ATP11C: variants seen among roughly 807,000 people sequenced by gnomAD.
ATP11C encodes the protein ATPase phospholipid transporting 11C (ATP11C blood group).
Under a neutral mutation model 97.4 loss-of-function variants are expected in ATP11C, and 36 were observed. That is an observed-to-expected ratio of 0.37 (90% confidence interval 0.28 to 0.49). The LOEUF is 0.49. Among genes scored for constraint, ATP11C ranks in the 20% least tolerant of loss-of-function variants. The pLI is 0.98. For missense variants in ATP11C, 730 were observed against 824.6 expected (o/e 0.89, Z 1.40); for synonymous variants, 275 against 290.9 (o/e 0.95, Z 0.56).
chrX:139,856,980 C>G (rs1223590843), intron 1 of ATP11C, among the ~76,000 whole-genome samples: 1 of 111,997 alleles, frequency 8.9e-6, no homozygotes, highest in Non-Finnish European at 1.9e-5. Flanking sequence ...AAAGGCATTG[C>G]AAGGTCTGAC....
chrX:139,802,895 G>A (rs998067361), intron 6 of ATP11C, among the ~76,000 whole-genome samples: 2 of 111,889 alleles, frequency 1.8e-5, no homozygotes, highest in African/African-American at 6.5e-5. Context: ...GAGATGACGT[G>A]TCTTGCATTA....
chrX:139,808,941 C>T (rs186624761), intron 5 of ATP11C, among the ~76,000 whole-genome samples: 2 of 110,640 alleles, frequency 1.8e-5, no homozygotes, highest in African/African-American at 3.3e-5. Flanking sequence ...GGCAAAACCC[C>T]GTCTCTACCA....
intron 1 of ATP11C, among the ~76,000 whole-genome samples, chrX:139,869,918 A>G (rs1303891937): frequency 1.9e-5 from 2 of 107,753 alleles, no homozygotes; most frequent in Non-Finnish European, 3.8e-5. Context: ...AATGTGATAT[A>G]TTCATACAAT....
chrX:139,836,371 C>T (rs1471205508), intron 1 of ATP11C, among the ~76,000 whole-genome samples: 1 of 110,143 alleles, frequency 9.1e-6, no homozygotes, highest in Non-Finnish European at 1.9e-5. Flanking sequence ...AAAAATTAGC[C>T]AGGAGTGGTC....
At chrX:139,780,775 A>G (rs1317716462) in intron 18 of ATP11C, among the ~76,000 whole-genome samples, 1 of 112,194 alleles carries the variant, frequency 8.9e-6, no homozygotes, top group Non-Finnish European at 1.9e-5. Context: ...CCTTTGCAGT[A>G]ACATGGATGC....
chrX:139,731,406 C>T (rs766507375), intron 29 of ATP11C, among the ~76,000 whole-genome samples: 4 of 112,104 alleles, frequency 3.6e-5, no homozygotes, highest in Admixed American at 9.4e-5. Context: ...TATGCTGTAT[C>T]AACATTTGGC....
intron 2 of ATP11C, among the ~76,000 whole-genome samples, chrX:139,823,852 A>G (rs2083463932): frequency 8.9e-6 from 1 of 111,891 alleles, no homozygotes; most frequent in African/African-American, 3.2e-5. Flanking sequence ...AGCGAAAGAA[A>G]TAATCAACAG....
At chrX:139,770,500 C>T (rs1226302937) in intron 19 of ATP11C, among the ~76,000 whole-genome samples, 2 of 111,667 alleles carry the variant, frequency 1.8e-5, no homozygotes, top group African/African-American at 3.3e-5. Flanking sequence ...GTTTTCAGAG[C>T]GGATATGATA....
chrX:139,787,917 T>C (rs748098329), intron 14 of ATP11C, among the ~76,000 whole-genome samples: 2 of 112,609 alleles, frequency 1.8e-5, no homozygotes, highest in African/African-American at 6.5e-5. Flanking sequence ...GCCACTGTTA[T>C]GTTATTTGCA....
At chrX:139,731,820 T>C in intron 28 of ATP11C, 65 bp from the exon 29 acceptor site, 2 of 729,911 alleles carry the variant, frequency 2.7e-6, no homozygotes, top group Non-Finnish European at 3.9e-6. Flanking sequence ...GGTGATTATA[T>C]ATTTAAAAAA....
chrX:139,922,615 C>G (rs1428106582), intron 1 of ATP11C, among the ~76,000 whole-genome samples: 2 of 109,254 alleles, frequency 1.8e-5, no homozygotes, highest in African/African-American at 6.7e-5. Flanking sequence ...GAGCTCATTT[C>G]ACTCTTTTTC....
intron 27 of ATP11C, among the ~76,000 whole-genome samples, chrX:139,739,853 A>G (rs2081520575): frequency 8.9e-6 from 1 of 111,805 alleles, no homozygotes; most frequent in African/African-American, 3.2e-5. Context: ...ATTATTTGTT[A>G]TATTATTAAA....
At chrX:139,843,570 G>A (rs923739617) in intron 1 of ATP11C, among the ~76,000 whole-genome samples, 3 of 111,515 alleles carry the variant, frequency 2.7e-5, no homozygotes, top group Non-Finnish European at 5.6e-5. Context: ...TTTTTTCATA[G>A]AGCATGGCAA....
intron 1 of ATP11C, among the ~76,000 whole-genome samples, chrX:139,898,642 TA>T (rs1402831625): frequency 9.0e-6 from 1 of 111,561 alleles, no homozygotes; most frequent in Admixed American, 9.6e-5. Flanking sequence ...GAATATTCAC[TA>T]AAATATTCAT....
At chrX:139,843,830 G>GA (rs372972336) in intron 1 of ATP11C, among the ~76,000 whole-genome samples, 6 of 105,501 alleles carry the variant, frequency 5.7e-5, no homozygotes, top group Admixed American at 4.1e-4. Flanking sequence ...TGTAAATACT[G>GA]AAAAAAAATT....
At chrX:139,756,987 A>AC (rs1357220301) in intron 23 of ATP11C, among the ~76,000 whole-genome samples, 1 of 109,111 alleles carries the variant, frequency 9.2e-6, no homozygotes, top group Non-Finnish European at 1.9e-5. Context: ...AAAAAAAAAA[A>AC]AAAAACTGCC....
intron 1 of ATP11C, among the ~76,000 whole-genome samples, chrX:139,853,132 T>C (rs1012277462): frequency 6.3e-5 from 7 of 111,574 alleles, no homozygotes; most frequent in African/African-American, 2.3e-4. Flanking sequence ...ATTTCAAGGC[T>C]TGAACCTCAC....
intron 1 of ATP11C, among the ~76,000 whole-genome samples, chrX:139,864,753 G>C: frequency 8.9e-6 from 1 of 112,335 alleles, no homozygotes; most frequent in Middle Eastern, 4.6e-3. Flanking sequence ...TACACATACA[G>C]TTTCACTTTC....
At chrX:139,892,983 GA>G (rs2084752869) in intron 1 of ATP11C, among the ~76,000 whole-genome samples, 1 of 111,909 alleles carries the variant, frequency 8.9e-6, no homozygotes, top group Non-Finnish European at 1.9e-5. Context: ...CTGTCACACA[GA>G]AAGAAAGGAG....
Sources: gnomAD v4.1 joint callset for allele counts (sites outside exome capture counted in the v4.1 genomes callset) on GRCh38, gnomAD v4.1.1 for gene constraint, MANE v1.5 for transcripts, NCBI Gene and HGNC (gene_info 2026-07-23, HGNC 2026-07-21) for gene names.